The following RGMA variants were observed in gnomAD, a reference collection of about 807,000 sequenced individuals.
RGMA encodes repulsive guidance molecule A.
RGMA carries 10 observed loss-of-function variants against 23.2 expected under a neutral mutation model. The ratio of observed to expected loss-of-function variants is 0.43; its 90% CI spans 0.27 to 0.73. The LOEUF is 0.73. RGMA is among the 30% of genes least tolerant of loss of function. RGMA has a pLI of 0.20. For missense variants in RGMA, 547 were observed against 630.5 expected, an observed-to-expected ratio of 0.87 and a Z score of 1.42; for synonymous variants, 308 against 279.3, an observed-to-expected ratio of 1.10 and a Z score of -1.03.
chr15:93,078,909 C>T (rs1271565410), intron 1 of RGMA, among the ~76,000 whole-genome samples: 1 of 152,238 alleles, frequency 6.6e-6, no homozygotes, highest in Non-Finnish European at 1.5e-5. Context: ...TATAAACAGA[C>T]TGGACAAAGT....
intron 1 of RGMA, chr15:93,073,889 A>G: frequency 3.4e-6 from 5 of 1,461,038 alleles, no homozygotes; most frequent in Non-Finnish European, 4.5e-6. Flanking sequence ...CTGCCACTCC[A>G]GAGAGATGGC....
intron 2 of RGMA, among the ~76,000 whole-genome samples, chr15:93,064,236 C>T (rs374500605): frequency 2.0e-5 from 3 of 152,222 alleles, no homozygotes; most frequent in Non-Finnish European, 4.4e-5. Flanking sequence ...CAGGATTCCA[C>T]GCCGGCACCA....
In RGMA at chr15:93,045,066, G is replaced by T. The variant is rs774515503; in HGVS notation, c.1285C>A (p.Pro429Thr). The change falls in exon 4 of 4, where the codon CCC becomes ACC. Residue 429 changes from proline to threonine, a missense_variant. Transcript: ENST00000329082. This position sits in a 1 kb window ranked among gnomAD's most constrained non-coding sequence, Gnocchi z 6.9. ...DLPGRAAAGL[P>T]LAPRPLLGAL... ...CCCAGGAGGGGCCGGGGGGCCAGGGGCAGCCCCGCAGCCGCCCTGCCTGGC... is the reference window on the plus strand; with the variant it reads ...CCCAGGAGGGGCCGGGGGGCCAGGGTCAGCCCCGCAGCCGCCCTGCCTGGC... The T allele has an allele frequency of 1.3e-6, 2 of 1,571,902 alleles. No individual in the cohort carries two copies. The highest frequency in any genetic ancestry group is 1.2e-5 in the South Asian group (1 of 85,900).
At chr15:93,049,434 TTGTC>T (rs1406461545) in intron 3 of RGMA, among the ~76,000 whole-genome samples, 2 of 152,150 alleles carry the variant, frequency 1.3e-5, no homozygotes, top group Non-Finnish European at 2.9e-5. Flanking sequence ...CTCAGTTTCT[TTGTC>T]TGTAAAATGG....
At chr15:93,059,431 G>C (rs1156315537) in intron 2 of RGMA, among the ~76,000 whole-genome samples, 3 of 152,200 alleles carry the variant, frequency 2.0e-5, no homozygotes, top group Admixed American at 6.5e-5. Context: ...CAGCTCTGCA[G>C]ATCTTCCTAA....
intron 2 of RGMA, among the ~76,000 whole-genome samples, chr15:93,059,078 G>A (rs111523128): frequency 5.8e-4 from 88 of 152,220 alleles, no homozygotes; most frequent in African/African-American, 2.0e-3. Flanking sequence ...CGGAGGCTTC[G>A]GGCTCGAGCG....
intron 2 of RGMA, among the ~76,000 whole-genome samples, chr15:93,054,500 T>G (rs2054980919): frequency 6.6e-6 from 1 of 152,044 alleles, no homozygotes; most frequent in Admixed American, 6.6e-5. Flanking sequence ...TCTCATGAGA[T>G]CTGATGGTTT....
Position 93,045,130 on chromosome 15 carries a change from G to A in RGMA, c.1221C>T (p.Asn407=). 1 of 1,597,810 alleles carries A rather than the reference G, an allele frequency of 6.3e-7. No individual in the cohort carries two copies. Among genetic ancestry groups the A allele is most frequent in the African/African-American group, 1.3e-5 (1 of 74,720 alleles). Residue 407 remains asparagine (N), a synonymous_variant, in exon 4 of 4, where the codon AAC becomes AAT. Coordinates refer to ENST00000329082, the MANE Select transcript of RGMA (RefSeq NM_020211.3). This position sits in a 1 kb window ranked among gnomAD's most constrained non-coding sequence, Gnocchi z 6.9. Reference sequence around the variant, plus strand: ...TCTCATACAGGTGCAGTTTGTCTTTGTTGGAGTGGAGCATCTTGACATCCT... The same window carrying A: ...TCTCATACAGGTGCAGTTTGTCTTTATTGGAGTGGAGCATCTTGACATCCT... ...ALEDVKMLHS[N]KDKLHLYERT...
At chr15:93,064,369 G>C (rs11637609) in intron 2 of RGMA, among the ~76,000 whole-genome samples, 1 of 152,274 alleles carries the variant, frequency 6.6e-6, no homozygotes, top group Non-Finnish European at 1.5e-5. Context: ...CTCCAGCTTT[G>C]AGGCATACCT....
rs564827012 is a variant in RGMA, at chr15:93,058,778, C to A, written c.131-6271G>T. Among the ~76,000 whole-genome samples, 132 of 152,024 alleles carry A rather than the reference C, an allele frequency of 8.7e-4. 2 individuals are homozygous for A. The South Asian group carries it at 0.026, about 30-fold the overall frequency. On this transcript the variant is annotated intron_variant, in intron 2 of 3. Transcript: ENST00000329082. ...CCTTCACACCTCTCGGATTTCCACA[C>A]GCTCCATACCGGGCAACACGAAGGT...
At chr15:93,072,772 G>C (rs957747708) in intron 2 of RGMA, 144 bp downstream of exon 2, 1 of 939,656 alleles carries the variant, frequency 1.1e-6, no homozygotes, top group Non-Finnish European at 1.6e-6. Context: ...GGGTGCGGGA[G>C]AAACAAAAGA....
chr15:93,072,790 A>T, intron 2 of RGMA, 126 bp downstream of exon 2: 1 of 1,071,290 alleles, frequency 9.3e-7, no homozygotes, highest in East Asian at 2.7e-5. Context: ...AGACCCGTGG[A>T]AATAGGAGGC....
At chr15:93,053,820 C>A (rs753759996) in intron 2 of RGMA, among the ~76,000 whole-genome samples, 8 of 152,234 alleles carry the variant, frequency 5.3e-5, no homozygotes, top group African/African-American at 1.7e-4. Flanking sequence ...TGGGCTCCCC[C>A]CTTCACGTGA....
rs1000949953 is a variant in RGMA at position 93,040,864 on chromosome 15, G to C, written c.*4134C>G. On this transcript the variant is annotated 3_prime_UTR_variant, in exon 4 of 4. Transcript: ENST00000329082. Reference sequence around the variant, plus strand: ...CATGCGTGGTGCCAGGGCCATGTGCGAGGCCATTGACGAGTGTTAGCTCAC... The same window carrying C: ...CATGCGTGGTGCCAGGGCCATGTGCCAGGCCATTGACGAGTGTTAGCTCAC... 3 of 152,214 alleles carry C rather than the reference G, an allele frequency of 2.0e-5. No homozygotes were observed. Among genetic ancestry groups the C allele is most frequent in the Non-Finnish European group, 4.4e-5 (3 of 68,060 alleles). 9.4% of individuals were successfully genotyped at this position (152,214 alleles called of 1,614,324 possible). A position where few individuals can be genotyped will look rare whatever the true frequency, so the allele number is the denominator to read the frequency against.
chr15:93,073,141 C>A, intron 1 of RGMA, 110 bp from the exon 2 acceptor site: 1 of 1,248,482 alleles, frequency 8.0e-7, no homozygotes. Flanking sequence ...CCACCTCGGC[C>A]GCGGGCGCCC....
intron 3 of RGMA, among the ~76,000 whole-genome samples, chr15:93,048,033 G>A (rs2054854581): frequency 6.6e-6 from 1 of 152,200 alleles, no homozygotes; most frequent in African/African-American, 2.4e-5. Context: ...AGAGTGGCCT[G>A]TTTGGGGCGG....
Position 93,052,300 on chromosome 15 carries a change from T to C in RGMA, c.338A>G (p.His113Arg), listed in dbSNP as rs1453289084. 34 of 1,604,266 alleles carry C rather than the reference T, an allele frequency of 2.1e-5. No homozygotes were observed. Among genetic ancestry groups the C allele is most frequent in the Non-Finnish European group, 2.5e-5 (29 of 1,178,114 alleles). The change falls in exon 3 of 4, where the codon CAC becomes CGC. Residue 113 changes from histidine (H) to arginine (R), a missense_variant. His to Arg is a conservative substitution (Grantham distance 29). This residue lies in a region of RGMA where 214 missense variants were observed against 234.7 expected (regional missense o/e 0.91). Coordinates refer to ENST00000329082, the MANE Select transcript of RGMA (RefSeq NM_020211.3). ...VHGIEDLMSQ[H>R]NCSKDGPTSQ... is the part of the protein sequence containing the mutation. ...GGTGGGGCCATCCTTGGAGCAGTTGTGCTGGCTCATGAGGTCCTCTATGCC... is the reference window on the plus strand; with the variant it reads ...GGTGGGGCCATCCTTGGAGCAGTTGCGCTGGCTCATGAGGTCCTCTATGCC...
chr15:93,085,611 G>C (rs1368606536), intron 1 of RGMA, among the ~76,000 whole-genome samples: 1 of 152,178 alleles, frequency 6.6e-6, no homozygotes, highest in African/African-American at 2.4e-5. Context: ...TTCGTAAGTT[G>C]GGTAGGTACA....
chr15:93,083,530 T>C (rs917104343), intron 1 of RGMA, among the ~76,000 whole-genome samples: 2 of 152,164 alleles, frequency 1.3e-5, no homozygotes, highest in African/African-American at 2.4e-5. Flanking sequence ...GGTTTCACCA[T>C]GTTGGCCAGG....
Sources: allele counts gnomAD v4.1 joint callset (sites outside exome capture counted in the v4.1 genomes callset), GRCh38; gene constraint gnomAD v4.1.1; regional missense constraint gnomAD v4.1.1; non-coding constraint Gnocchi (gnomAD v3.1); transcripts MANE v1.5; gene names NCBI Gene and HGNC (gene_info 2026-07-23, HGNC 2026-07-21).